Variants in NBAS observed in about 807,000 individuals in gnomAD.
The protein encoded by NBAS is NAG/BC035112 fusion.
In NBAS, 219 loss-of-function variants were observed where a neutral mutation model predicts 302.5. The ratio of observed to expected loss-of-function variants is 0.72; its 90% CI spans 0.65 to 0.81. The LOEUF (loss-of-function observed/expected upper bound fraction) is 0.81, where lower values mean the gene tolerates loss of function less well. NBAS is among the 30% of genes least tolerant of loss of function. NBAS has a pLI of 0.00. For missense variants in NBAS, 2,932 were observed against 2,841.6 expected (o/e 1.03, Z -0.72); for synonymous variants, 1,118 against 1,021.6 (o/e 1.09, Z -1.80).
rs548085788 is a variant in NBAS at position 15,445,920 on chromosome 2, A to G, written c.2339+15281T>C. On this transcript the variant is annotated intron_variant, in intron 21 of 51. Coordinates refer to ENST00000281513, the MANE Select transcript of NBAS (RefSeq NM_015909.4). ...CATAGTCTCGGAGATTAAAAAAAAA[A>G]TACACTGAAGGCATCAATTATAGAC... 1.9e-4 allele frequency among the ~76,000 whole-genome samples: 29 copies of G among 151,852 alleles called. No individual in the cohort carries two copies. In the Middle Eastern group the frequency reaches 0.01, roughly 54 times the overall value.
chr2:15,361,583 T>C (rs966347289), intron 32 of NBAS, among the ~76,000 whole-genome samples: 1 of 152,188 alleles, frequency 6.6e-6, no homozygotes. Flanking sequence ...GACAAATAAT[T>C]CAGCTACAAA....
chr2:14,784,458 G>A, the NBAS span, among the ~76,000 whole-genome samples: 5 of 152,072 alleles, frequency 3.3e-5, no homozygotes, highest in South Asian at 2.1e-4. Flanking sequence ...TAGGTCTAAC[G>A]TTTAAGTCTT....
chr2:15,327,666 A>C (rs1672133692), intron 38 of NBAS, 84 bp downstream of exon 38: 2 of 1,539,088 alleles, frequency 1.3e-6, no homozygotes, highest in Admixed American at 3.5e-5. Context: ...TTCTTTTCCA[A>C]ACTCTTGTTC....
At chr2:14,902,319 A>T in the NBAS span, among the ~76,000 whole-genome samples, 272 of 152,266 alleles carry the variant, frequency 1.8e-3, 1 homozygote, top group African/African-American at 6.2e-3. Context: ...TTTAGTAGAG[A>T]TGGGGTTTCA....
At chr2:15,117,999 G>C in the NBAS span, among the ~76,000 whole-genome samples, 2 of 152,244 alleles carry the variant, frequency 1.3e-5, no homozygotes, top group African/African-American at 4.8e-5. Flanking sequence ...CAGGACAGCA[G>C]AGCTCTGTTA....
the NBAS span, among the ~76,000 whole-genome samples, chr2:14,905,865 A>T: frequency 6.6e-6 from 1 of 152,154 alleles, no homozygotes; most frequent in Non-Finnish European, 1.5e-5. Context: ...AGGCTTGTAC[A>T]ATGCCCCATT....
chr2:15,092,582 T>C, the NBAS span, among the ~76,000 whole-genome samples: 1 of 152,214 alleles, frequency 6.6e-6, no homozygotes, highest in Non-Finnish European at 1.5e-5. Flanking sequence ...TTGTTTTCCT[T>C]CTGGCTTTTC....
rs1287329191 is a variant in NBAS at position 15,534,715 on chromosome 2, G to A, written c.648-74C>T. On this transcript the variant is annotated intron_variant, in intron 8 of 51. Transcript: ENST00000281513. The stretch of plus-strand genomic sequence containing the variant: ...AATATCACTAAATACCCAATAAAAT[G>A]TTTAGAATTTAAAAGACAGACAATA... 5 of 1,137,534 alleles carry A rather than the reference G, an allele frequency of 4.4e-6. No individual in the cohort carries two copies. The Admixed American group carries it at 6.8e-5, about 15-fold the overall frequency. 70.5% of individuals were successfully genotyped at this position (1,137,534 alleles called of 1,614,324 possible).
chr2:14,813,762 A>G, the NBAS span, among the ~76,000 whole-genome samples: 1 of 152,218 alleles, frequency 6.6e-6, no homozygotes, highest in African/African-American at 2.4e-5. Context: ...CAAGCCAGCT[A>G]CAGAATTTTA....
chr2:15,512,021 T>C (rs1337885599), intron 9 of NBAS, among the ~76,000 whole-genome samples: 2 of 152,200 alleles, frequency 1.3e-5, no homozygotes, highest in African/African-American at 4.8e-5. Context: ...CTATGTTCAG[T>C]ACTTCTGGCA....
chr2:15,129,638 T>C, the NBAS span, among the ~76,000 whole-genome samples: 1 of 152,156 alleles, frequency 6.6e-6, no homozygotes, highest in South Asian at 2.1e-4. Context: ...AGCCCTTCCT[T>C]TTCTAAAATG....
chr2:15,136,901 T>C, the NBAS span, among the ~76,000 whole-genome samples: 1 of 152,228 alleles, frequency 6.6e-6, no homozygotes, highest in South Asian at 2.1e-4. Flanking sequence ...TTGCTTCCCC[T>C]TCACCTTCTG....
At chr2:14,937,301 T>C in the NBAS span, among the ~76,000 whole-genome samples, 25 of 152,192 alleles carry the variant, frequency 1.6e-4, no homozygotes, top group Non-Finnish European at 3.4e-4. Context: ...GAAGCAGGTG[T>C]ACTGTGCACT....
the NBAS span, among the ~76,000 whole-genome samples, chr2:15,016,037 CA>C: frequency 1.2e-4 from 18 of 147,614 alleles, no homozygotes; most frequent in South Asian, 2.1e-4. Context: ...CAATAGCTAC[CA>C]AAAAAAAAAT....
intron 28 of NBAS, among the ~76,000 whole-genome samples, chr2:15,383,669 T>C (rs1675152484): frequency 6.6e-6 from 1 of 152,226 alleles, no homozygotes; most frequent in South Asian, 2.1e-4. Flanking sequence ...AAAGCAGCTA[T>C]GATATAGCTT....
rs573873371 is a variant in NBAS, at chr2:15,558,319, G to A, written c.172+261C>T. 5.9e-5 allele frequency among the ~76,000 whole-genome samples: 9 copies of A among 152,266 alleles called. No individual in the cohort carries two copies. In the South Asian group the frequency reaches 1.7e-3, roughly 28 times the overall value. On this transcript the variant is annotated intron_variant, in intron 2 of 51. Transcript: ENST00000281513. ...GGTACCAGTCCATGGCCCAGGAATT[G>A]AGGACACCTGTTCTAGAATACATCC...
At chr2:14,994,070 G>A in the NBAS span, among the ~76,000 whole-genome samples, 1 of 152,180 alleles carries the variant, frequency 6.6e-6, no homozygotes, top group Non-Finnish European at 1.5e-5. Flanking sequence ...AAGGATGTTT[G>A]CTTACATGCA....
intron 32 of NBAS, among the ~76,000 whole-genome samples, chr2:15,364,531 CAAG>C (rs1188726724): frequency 6.6e-6 from 1 of 151,576 alleles, no homozygotes; most frequent in African/African-American, 2.4e-5. Context: ...AACTCTGTCT[CAAG>C]AAAAAAAAGA....
chr2:15,544,918 T>C (rs964951097), intron 6 of NBAS, among the ~76,000 whole-genome samples: 1 of 151,912 alleles, frequency 6.6e-6, no homozygotes, highest in Non-Finnish European at 1.5e-5. Context: ...GGCTGAAGCA[T>C]GAGAACTGCT....
Sources: allele counts gnomAD v4.1 joint callset (sites outside exome capture counted in the v4.1 genomes callset), GRCh38; gene constraint gnomAD v4.1.1; transcripts MANE v1.5; gene names NCBI Gene and HGNC (gene_info 2026-07-23, HGNC 2026-07-21).